Variants in SYCP1 observed in about 807,000 individuals in gnomAD.
SYCP1 encodes cancer/testis antigen 8.
A neutral mutation model predicts 153.1 loss-of-function variants in SYCP1; 64 were observed. That is an observed-to-expected ratio of 0.42 (90% CI 0.34 to 0.51). SYCP1 has a LOEUF of 0.51. SYCP1 is among the 20% of genes least tolerant of loss of function. SYCP1 has a pLI of 0.06. For synonymous variants in SYCP1, 384 were observed against 341.8 expected (o/e 1.12, Z -1.36); for missense variants, 997 against 1,049.0 (o/e 0.95, Z 0.68).
chr1:114,956,156 T>C (rs1243990005), intron 27 of SYCP1, among the ~76,000 whole-genome samples: 2 of 152,242 alleles, frequency 1.3e-5, no homozygotes, highest in Non-Finnish European at 2.9e-5. Flanking sequence ...CCTTGTGCTG[T>C]CTCTGAGATC....
At chr1:114,932,848 T>G (rs928554208) in intron 23 of SYCP1, among the ~76,000 whole-genome samples, 6 of 152,152 alleles carry the variant, frequency 3.9e-5, no homozygotes, top group African/African-American at 1.2e-4. Context: ...GCAGTGAGAC[T>G]GGGGGAGGGG....
chr1:114,911,400 T>G lies in SYCP1; in HGVS notation c.1426-79T>G, dbSNP rs540054604. On this transcript the variant is annotated intron_variant, in intron 17 of 31. Transcript: ENST00000369522. Reference sequence around the variant, plus strand: ...GCCAAATTTTTGCCAAATATATGACTTAATTACACAGTGACTATACCTTTT... The same window carrying G: ...GCCAAATTTTTGCCAAATATATGACGTAATTACACAGTGACTATACCTTTT... 156 of 1,144,270 alleles carry G rather than the reference T, an allele frequency of 1.4e-4. 1 individual carries two copies. The highest frequency in any genetic ancestry group is 1.7e-4 in the Non-Finnish European group (144 of 838,224). The allele number at this position is 1,144,270 out of a possible 1,614,324, so 70.9% of individuals were successfully genotyped here.
rs994715217 is a variant in SYCP1, at chr1:114,873,739, C to G, written c.599-767C>G. Among the ~76,000 whole-genome samples the G allele has an allele frequency of 3.3e-5, 5 of 152,288 alleles. No homozygotes were observed. In the South Asian group the frequency reaches 1.0e-3, roughly 32 times the overall value. Reference sequence around the variant, plus strand: ...CAAGAATCTGGGGCCTCTCTGATGACTGGGTCTCCACAGAGGTTTTTTTAT... The same window carrying G: ...CAAGAATCTGGGGCCTCTCTGATGAGTGGGTCTCCACAGAGGTTTTTTTAT... On this transcript the variant is annotated intron_variant, in intron 8 of 31. Transcript: ENST00000369522.
intron 30 of SYCP1, among the ~76,000 whole-genome samples, chr1:114,988,225 CAG>C (rs1424141011): frequency 6.6e-6 from 1 of 150,816 alleles, no homozygotes; most frequent in Non-Finnish European, 1.5e-5. Flanking sequence ...GGGGGGTAGA[CAG>C]AGAGAGAAAA....
intron 23 of SYCP1, among the ~76,000 whole-genome samples, chr1:114,934,559 A>G (rs978832080): frequency 5.9e-5 from 9 of 152,206 alleles, no homozygotes; most frequent in Non-Finnish European, 2.9e-5. Context: ...ACACATAACA[A>G]TATTAACCTT....
chr1:114,954,393 A>T (rs983719410), intron 27 of SYCP1, among the ~76,000 whole-genome samples: 1 of 151,836 alleles, frequency 6.6e-6, no homozygotes, highest in African/African-American at 2.4e-5. Flanking sequence ...TGCTAAACTT[A>T]TTTATTAGCT....
chr1:114,912,049 T>C (rs757157181), intron 18 of SYCP1, among the ~76,000 whole-genome samples: 2 of 152,010 alleles, frequency 1.3e-5, no homozygotes, highest in Non-Finnish European at 2.9e-5. Context: ...CAGAGAAAAG[T>C]AAATTCAAGT....
intron 21 of SYCP1, chr1:114,923,743 T>A: frequency 2.9e-6 from 1 of 347,046 alleles, no homozygotes; most frequent in Non-Finnish European, 4.7e-6. Context: ...TAATTCTGAT[T>A]TTCTTTTAAC....
chr1:114,882,214 A>C (rs937036191), intron 12 of SYCP1, among the ~76,000 whole-genome samples: 4 of 151,468 alleles, frequency 2.6e-5, no homozygotes, highest in African/African-American at 9.7e-5. Flanking sequence ...ACAAACAAAC[A>C]AACCAAACAA....
At position 114,876,094 on chromosome 1, in the gene SYCP1, T is replaced by C; in HGVS notation, c.683T>C (p.Leu228Pro). The C allele has an allele frequency of 6.3e-7, 1 of 1,584,406 alleles. No homozygotes were observed. Among genetic ancestry groups the C allele is most frequent in the South Asian group, 1.2e-5 (1 of 85,454 alleles). The change falls in exon 10 of 32, where the codon CTT becomes CCT. Residue 228 changes from leucine to proline, a missense_variant. Physicochemically the swap from Leu to Pro is moderately conservative, Grantham distance 98 (BLOSUM62 -3). Around this residue, in one of 2 missense-constraint regions of SYCP1, gnomAD observed 285 missense variants for 366.1 expected, o/e 0.78. Coordinates refer to ENST00000369522, the MANE Select transcript of SYCP1 (RefSeq NM_003176.4). ...IEKMITAFEE[L>P]RVQAENSRLE... Reference sequence around the variant, plus strand: ...AAAATGATAACAGCTTTTGAGGAACTTCGTGTGCAAGCTGAGAATTCCAGA... The same window carrying C: ...AAAATGATAACAGCTTTTGAGGAACCTCGTGTGCAAGCTGAGAATTCCAGA...
chr1:114,956,844 A>G (rs1186602094), intron 27 of SYCP1, among the ~76,000 whole-genome samples: 1 of 152,186 alleles, frequency 6.6e-6, no homozygotes, highest in East Asian at 1.9e-4. Flanking sequence ...GAATCACTAG[A>G]ATCACTGAGA....
chr1:114,940,182 C>G (rs1165352221), intron 23 of SYCP1, among the ~76,000 whole-genome samples: 1 of 152,120 alleles, frequency 6.6e-6, no homozygotes, highest in Non-Finnish European at 1.5e-5. Context: ...ACTGCAACCT[C>G]TACCTCCTGG....
At position 114,909,627 on chromosome 1, in the gene SYCP1, A is replaced by G. The variant is rs576237345; in HGVS notation, c.1321-770A>G. On this transcript the variant is annotated intron_variant, in intron 16 of 31. Transcript: ENST00000369522. ...GGCATGAGATTATAGTGACATACTG[A>G]AAGCTAAAAGACTGCTTCTATTTTT... Among the ~76,000 whole-genome samples the G allele has an allele frequency of 4.6e-5, 7 of 152,204 alleles. No individual in the cohort carries two copies. In the South Asian group the frequency reaches 1.5e-3, roughly 32 times the overall value.
At chr1:114,895,656 T>G (rs1267292545) in intron 16 of SYCP1, 147 bp downstream of exon 16, 1 of 442,876 alleles carries the variant, frequency 2.3e-6, no homozygotes, top group East Asian at 3.7e-5. Context: ...TAAGTAAAGA[T>G]GCATTTTTTA....
At chr1:114,979,229 ACTT>A (rs1201768564) in intron 28 of SYCP1, among the ~76,000 whole-genome samples, 1 of 144,280 alleles carries the variant, frequency 6.9e-6, no homozygotes, top group Non-Finnish European at 1.5e-5. Flanking sequence ...AAGTTACTTA[ACTT>A]CTTCGTGTTT....
At position 114,977,755 on chromosome 1, in the gene SYCP1, T is replaced by C. The variant is rs61541164; in HGVS notation, c.2382+139T>C. 343 of 565,892 alleles carry C rather than the reference T, an allele frequency of 6.1e-4. 1 individual carries two copies. The highest frequency in any genetic ancestry group is 6.0e-3 in the African/African-American group (307 of 50,976). The allele number at this position is 565,892 out of a possible 1,614,324, so 35.1% of individuals were successfully genotyped here. The stretch of plus-strand genomic sequence containing the variant: ...TTTCATTTTCTAAATTGTTTCTTGC[T>C]ATTTATTAATTCAAAAGCATTTTAG... On this transcript the variant is annotated intron_variant, in intron 28 of 31. Transcript: ENST00000369522.
chr1:114,909,794 C>T (rs1264707574), intron 16 of SYCP1, among the ~76,000 whole-genome samples: 3 of 152,072 alleles, frequency 2.0e-5, no homozygotes, highest in Non-Finnish European at 2.9e-5. Context: ...ATCAATCTGT[C>T]TCCACAGTCC....
intron 27 of SYCP1, among the ~76,000 whole-genome samples, chr1:114,957,003 T>C (rs958148246): frequency 6.8e-6 from 1 of 147,294 alleles, no homozygotes; most frequent in African/African-American, 2.5e-5. Context: ...TGACCCTAAA[T>C]TGATGGAAAT....
At chr1:114,918,369 G>A (rs542704321) in intron 20 of SYCP1, among the ~76,000 whole-genome samples, 2 of 152,030 alleles carry the variant, frequency 1.3e-5, no homozygotes, top group South Asian at 4.1e-4. Flanking sequence ...TTATGCTAAT[G>A]CCATGCTGTT....
Sources: gnomAD v4.1 joint callset for allele counts (sites outside exome capture counted in the v4.1 genomes callset) on GRCh38, gnomAD v4.1.1 for gene constraint, gnomAD v4.1.1 regional missense constraint, MANE v1.5 for transcripts, NCBI Gene and HGNC (gene_info 2026-07-23, HGNC 2026-07-21) for gene names.